NLGN1: variants seen among roughly 807,000 people sequenced by gnomAD.
NLGN1 encodes neuroligin 1, also known as neuroligin-1.
Under a neutral mutation model 65.5 loss-of-function variants are expected in NLGN1, and 12 were observed. The ratio of observed to expected loss-of-function variants is 0.18; its 90% CI spans 0.12 to 0.30. NLGN1 has a LOEUF of 0.30. NLGN1 is among the 10% of genes least tolerant of loss of function. The pLI is 1.00. For synonymous variants in NLGN1, 350 were observed against 359.5 expected (o/e 0.97, Z 0.30); for missense variants, 750 against 1,007.1 (o/e 0.74, Z 3.46).
At chr3:173,568,759 C>T (rs549917553) in intron 2 of NLGN1, among the ~76,000 whole-genome samples, 4 of 152,292 alleles carry the variant, frequency 2.6e-5, no homozygotes, top group African/African-American at 9.6e-5. Flanking sequence ...CTGCAAGCTC[C>T]GCCTCCTGGG....
At chr3:173,562,175 A>G (rs186761659) in intron 2 of NLGN1, among the ~76,000 whole-genome samples, 1 of 152,358 alleles carries the variant, frequency 6.6e-6, no homozygotes, top group Admixed American at 6.5e-5. Context: ...GGAATGTAGA[A>G]GAGAGTAGCT....
intron 4 of NLGN1, among the ~76,000 whole-genome samples, chr3:174,180,009 C>A (rs373216109): frequency 1.3e-5 from 2 of 152,182 alleles, no homozygotes; most frequent in East Asian, 3.9e-4. Flanking sequence ...TAATCCCAAG[C>A]TGGTTCAGTA....
chr3:173,936,340 T>C (rs1745077265), intron 4 of NLGN1, among the ~76,000 whole-genome samples: 2 of 152,052 alleles, frequency 1.3e-5, no homozygotes, highest in Admixed American at 1.3e-4. Context: ...TTTATGTTTA[T>C]TACAGTGTGT....
At chr3:173,986,815 G>A (rs74678768) in intron 4 of NLGN1, among the ~76,000 whole-genome samples, 406 of 152,236 alleles carry the variant, frequency 2.7e-3, no homozygotes, top group African/African-American at 8.4e-3. Context: ...GAGTAGACTC[G>A]GGACACGACA....
intron 2 of NLGN1, chr3:173,584,793 G>GGGT (rs1553767070): frequency 6.6e-6 from 1 of 151,138 alleles, no homozygotes; most frequent in African/African-American, 2.4e-5. Context: ...AAGGAGGGGG[G>GGGT]GGTGCAAAAC....
At chr3:173,752,702 T>C (rs1776482126) in intron 3 of NLGN1, among the ~76,000 whole-genome samples, 1 of 152,090 alleles carries the variant, frequency 6.6e-6, no homozygotes, top group South Asian at 2.1e-4. Context: ...TAAACCACAT[T>C]GAATGGGTCA....
intron 4 of NLGN1, among the ~76,000 whole-genome samples, chr3:174,013,541 G>C (rs1363047006): frequency 1.3e-5 from 2 of 152,152 alleles, no homozygotes; most frequent in African/African-American, 2.4e-5. Flanking sequence ...CTTCAGATTA[G>C]CTATTGCTTA....
chr3:173,681,809 T>A (rs2149786999), intron 3 of NLGN1, among the ~76,000 whole-genome samples: 1 of 152,342 alleles, frequency 6.6e-6, no homozygotes, highest in South Asian at 2.1e-4. Flanking sequence ...TGTGTAGTCA[T>A]ATGATGCCAT....
At chr3:173,722,403 C>T (rs373772235) in intron 3 of NLGN1, among the ~76,000 whole-genome samples, 31 of 151,936 alleles carry the variant, frequency 2.0e-4, no homozygotes, top group African/African-American at 6.8e-4. Flanking sequence ...CCACCACGCC[C>T]GACTAATTTT....
intron 3 of NLGN1, among the ~76,000 whole-genome samples, chr3:173,642,830 A>T (rs1447841896): frequency 1.3e-5 from 2 of 152,352 alleles, no homozygotes; most frequent in East Asian, 1.9e-4. Flanking sequence ...AAAGTATGCA[A>T]AAAAAGTACT....
At chr3:173,400,419 C>G (rs937378107) in intron 1 of NLGN1, among the ~76,000 whole-genome samples, 1 of 152,126 alleles carries the variant, frequency 6.6e-6, no homozygotes, top group East Asian at 1.9e-4. Flanking sequence ...TCCTGGCCCC[C>G]CTTCTGAATT....
chr3:173,931,946 T>C (rs141879224), intron 4 of NLGN1, among the ~76,000 whole-genome samples: 14 of 152,224 alleles, frequency 9.2e-5, no homozygotes, highest in Non-Finnish European at 1.5e-4. Context: ...GGATGAGAGA[T>C]GCGTCAGAAA....
At chr3:173,653,067 A>T (rs1759466508) in intron 3 of NLGN1, among the ~76,000 whole-genome samples, 2 of 152,082 alleles carry the variant, frequency 1.3e-5, no homozygotes, top group Non-Finnish European at 2.9e-5. Context: ...TAAAAATGCT[A>T]CTGATTTTTG....
At chr3:173,703,511 T>G (rs2149896048) in intron 3 of NLGN1, among the ~76,000 whole-genome samples, 1 of 152,338 alleles carries the variant, frequency 6.6e-6, no homozygotes, top group Admixed American at 6.5e-5. Context: ...AACGTTTGTG[T>G]TTTTAAGTCC....
intron 3 of NLGN1, among the ~76,000 whole-genome samples, chr3:173,759,047 T>C (rs1371259416): frequency 2.6e-5 from 4 of 151,938 alleles, no homozygotes; most frequent in Non-Finnish European, 5.9e-5. Context: ...GCATTATTTT[T>C]CTTCTACATC....
intron 2 of NLGN1, among the ~76,000 whole-genome samples, chr3:173,492,344 C>T (rs1253596304): frequency 2.0e-5 from 3 of 151,720 alleles, no homozygotes. Flanking sequence ...TGAGCCTAAG[C>T]ATTTCATGTT....
At chr3:174,213,003 T>A (rs1336030710) in intron 4 of NLGN1, among the ~76,000 whole-genome samples, 2 of 152,208 alleles carry the variant, frequency 1.3e-5, no homozygotes, top group African/African-American at 4.8e-5. Context: ...ACCTGGATAA[T>A]CCAGGATACT....
intron 3 of NLGN1, among the ~76,000 whole-genome samples, 192 bp downstream of exon 2, chr3:173,605,283 T>G (rs1051722315): frequency 6.6e-6 from 1 of 152,108 alleles, no homozygotes; most frequent in Non-Finnish European, 1.5e-5. Context: ...TTTTTTCCTG[T>G]GCTTACTCAT....
chr3:173,450,562 G>C (rs1421116973), intron 2 of NLGN1, among the ~76,000 whole-genome samples: 1 of 152,122 alleles, frequency 6.6e-6, no homozygotes, highest in Non-Finnish European at 1.5e-5. Flanking sequence ...TTCTTGAGGA[G>C]TATCTTTGTG....
Sources: gnomAD v4.1 joint callset for allele counts (sites outside exome capture counted in the v4.1 genomes callset) on GRCh38, gnomAD v4.1.1 for gene constraint, MANE v1.5 for transcripts, NCBI Gene and HGNC (gene_info 2026-07-23, HGNC 2026-07-21) for gene names.